Variants in THSD7A observed in about 807,000 individuals in gnomAD.
THSD7A encodes the protein thrombospondin type-1 domain-containing protein 7A.
In THSD7A, 96 loss-of-function variants were observed where a neutral mutation model predicts 231.3. The ratio of observed to expected loss-of-function variants is 0.41; its 90% CI spans 0.35 to 0.49. THSD7A has a LOEUF of 0.49. THSD7A is among the 20% of genes least tolerant of loss of function. The probability of loss-of-function intolerance (pLI) is 0.05; values close to 1 mark genes in which losing one functional copy is unlikely to be tolerated. For synonymous variants in THSD7A, 940 were observed against 743.3 expected (o/e 1.26, Z -4.30); for missense variants, 2,290 against 2,070.2 (o/e 1.11, Z -2.06).
chr7:11,779,316 CTTCCT>C (rs1328209698), intron 1 of THSD7A, among the ~76,000 whole-genome samples: 1 of 152,132 alleles, frequency 6.6e-6, no homozygotes, highest in African/African-American at 2.4e-5. Context: ...CTCCCTCACT[CTTCCT>C]TTCATTCACC....
At chr7:11,639,976 C>G (rs1015547029) in intron 1 of THSD7A, among the ~76,000 whole-genome samples, 2 of 152,120 alleles carry the variant, frequency 1.3e-5, no homozygotes, top group African/African-American at 4.8e-5. Context: ...TAAGTTCATT[C>G]TAAAATAAAA....
At chr7:11,623,654 T>A (rs1781387583) in intron 2 of THSD7A, among the ~76,000 whole-genome samples, 1 of 152,110 alleles carries the variant, frequency 6.6e-6, no homozygotes, top group South Asian at 2.1e-4. Context: ...TTTAAAAATA[T>A]CCTTTCTCAC....
At chr7:11,810,270 C>T (rs955004983) in intron 1 of THSD7A, among the ~76,000 whole-genome samples, 3 of 152,166 alleles carry the variant, frequency 2.0e-5, no homozygotes, top group Admixed American at 6.5e-5. Context: ...TCTGTGCCTT[C>T]GCCATGTGAT....
At chr7:11,644,199 C>T (rs1782197902) in intron 1 of THSD7A, among the ~76,000 whole-genome samples, 1 of 151,924 alleles carries the variant, frequency 6.6e-6, no homozygotes, top group South Asian at 2.1e-4. Flanking sequence ...CTCGTTTGGT[C>T]ATTTCAAAGG....
intron 1 of THSD7A, among the ~76,000 whole-genome samples, chr7:11,732,026 T>C (rs1249979709): frequency 2.0e-5 from 3 of 151,680 alleles, no homozygotes; most frequent in African/African-American, 7.2e-5. Context: ...TTCACACATT[T>C]ATGTATATAT....
chr7:11,781,528 A>C (rs1783632173), intron 1 of THSD7A, among the ~76,000 whole-genome samples: 1 of 152,184 alleles, frequency 6.6e-6, no homozygotes, highest in Non-Finnish European at 1.5e-5. Context: ...CTTCGATGTA[A>C]AAATCCTATT....
chr7:11,385,298 T>C (rs1314022839), intron 23 of THSD7A: 1 of 152,104 alleles, frequency 6.6e-6, no homozygotes, highest in Non-Finnish European at 1.5e-5. Context: ...TGATGACACT[T>C]GGCTGGAACC....
intron 13 of THSD7A, among the ~76,000 whole-genome samples, chr7:11,443,950 C>A (rs543238280): frequency 6.6e-6 from 1 of 152,042 alleles, no homozygotes; most frequent in African/African-American, 2.4e-5. Flanking sequence ...AGAACTTAAA[C>A]AAATTTACAA....
At chr7:11,747,617 G>C (rs576828288) in intron 1 of THSD7A, among the ~76,000 whole-genome samples, 1 of 152,006 alleles carries the variant, frequency 6.6e-6, no homozygotes, top group South Asian at 2.1e-4. Context: ...AGAAAAGACA[G>C]TCTCTACCTG....
rs1554326846 is a variant in THSD7A at position 11,509,822 on chromosome 7, A to AAAAAAAAAAAAAAAAAT, written c.1823-27841_1823-27840insATTTTTTTTTTTTTTTT. On this transcript the variant is annotated intron_variant, in intron 6 of 27. Transcript: ENST00000423059. ...GGGCGACAGAGCCAGAGTCCGTCTC[A>AAAAAAAAAAAAAAAAAT]AAAAAAAAAAAAAATAACATCTGAA... Among the ~76,000 whole-genome samples the AAAAAAAAAAAAAAAAAT allele has an allele frequency of 5.9e-4, 45 of 75,814 alleles. 3 individuals carry two copies. The Middle Eastern group carries it at 0.023, about 38-fold the overall frequency. The allele number at this position is 75,814 out of a possible 152,430, so 49.7% of individuals were successfully genotyped here. A position where few individuals can be genotyped will look rare whatever the true frequency, so the allele number is the denominator to read the frequency against.
At chr7:11,541,306 G>T in intron 6 of THSD7A, 113 bp downstream of exon 6, 1 of 1,017,020 alleles carries the variant, frequency 9.8e-7, no homozygotes, top group Non-Finnish European at 1.5e-6. Flanking sequence ...CTATTTCTAC[G>T]TTTGTAAACA....
chr7:11,424,615 A>C (rs1398254442), intron 16 of THSD7A, 81 bp downstream of exon 16: 3 of 1,565,138 alleles, frequency 1.9e-6, no homozygotes, highest in African/African-American at 1.4e-5. Flanking sequence ...ACTGGGGAGG[A>C]GTGAACAGTC....
chr7:11,802,447 T>C (rs111480843), intron 1 of THSD7A, among the ~76,000 whole-genome samples: 3,397 of 152,188 alleles, frequency 0.022, 126 homozygotes, highest in African/African-American at 0.077. Flanking sequence ...GAATGTGTGA[T>C]CACTAAACTG....
At chr7:11,421,465 G>T (rs1476207056) in intron 16 of THSD7A, among the ~76,000 whole-genome samples, 4 of 152,312 alleles carry the variant, frequency 2.6e-5, no homozygotes, top group African/African-American at 9.6e-5. Flanking sequence ...CTGTGGAACT[G>T]TGAGTCAAAT....
At position 11,447,413 on chromosome 7, in the gene THSD7A, G is replaced by C. The variant is rs888090212; in HGVS notation, c.2617C>G (p.Arg873Gly). 4 of 1,563,272 alleles carry C rather than the reference G, an allele frequency of 2.6e-6. No individual in the cohort carries two copies. The highest frequency in any genetic ancestry group is 2.0e-5 in the Admixed American group (1 of 49,998). ...PGRQARAITCRKQDGGQAGIH... is the reference protein window; with the variant it reads ...PGRQARAITCGKQDGGQAGIH... ...CCAGCCTGTCCTCCATCTTGCTTGC[G>C]ACAAGTAATGGCTAAAAGAAAAGCA... is the stretch of plus-strand genomic sequence containing the variant. Residue 873 changes from arginine to glycine, a missense_variant, in exon 12 of 28, where the codon CGC becomes GGC. Transcript: ENST00000423059.
Position 11,799,299 on chromosome 7 carries a change from T to C in THSD7A, c.190+32458A>G, listed in dbSNP as rs1272681533. On this transcript the variant is annotated intron_variant, in intron 1 of 27. Transcript: ENST00000423059. ...AGAATACTTAGTAAAAGCATACGGA[T>C]TGGCACAAATAAGTGCTTTATCTTC... Among the ~76,000 whole-genome samples, 6 of 152,296 alleles carry C rather than the reference T, an allele frequency of 3.9e-5. No individual in the cohort carries two copies. The East Asian group carries it at 1.2e-3, about 29-fold the overall frequency.
At chr7:11,495,633 C>T (rs1787066652) in intron 6 of THSD7A, among the ~76,000 whole-genome samples, 1 of 152,092 alleles carries the variant, frequency 6.6e-6, no homozygotes, top group African/African-American at 2.4e-5. Context: ...ATTACAAAAT[C>T]AAAACCACTA....
rs1033399370 is a variant in THSD7A at position 11,640,209 on chromosome 7, C to T, written c.191-3248G>A. 5.3e-5 allele frequency among the ~76,000 whole-genome samples: 8 copies of T among 152,180 alleles called. 1 individual carries two copies. In the South Asian group the frequency reaches 6.2e-4, roughly 12 times the overall value. The stretch of plus-strand genomic sequence containing the variant: ...CCCTTGAGGACAGGCCCTTGTCTGC[C>T]GCCTGCAACAGTTTTAGACAGTACA... On this transcript the variant is annotated intron_variant, in intron 1 of 27. Transcript: ENST00000423059.
At chr7:11,734,931 A>C (rs1781859040) in intron 1 of THSD7A, among the ~76,000 whole-genome samples, 1 of 151,864 alleles carries the variant, frequency 6.6e-6, no homozygotes, top group Non-Finnish European at 1.5e-5. Context: ...TGCTTAGAGG[A>C]CCAGATTTGA....
Sources: allele counts gnomAD v4.1 joint callset (sites outside exome capture counted in the v4.1 genomes callset), GRCh38; gene constraint gnomAD v4.1.1; transcripts MANE v1.5; gene names NCBI Gene and HGNC (gene_info 2026-07-23, HGNC 2026-07-21).